Variants in MYO1D observed in about 807,000 individuals in gnomAD.
MYO1D encodes the protein myosin ID.
In MYO1D, 83 loss-of-function variants were observed where a neutral mutation model predicts 122.0. That is an observed-to-expected ratio of 0.68 (90% confidence interval 0.57 to 0.82). The LOEUF is 0.82. MYO1D is among the 40% of genes least tolerant of loss of function. The probability of loss-of-function intolerance (pLI) is 0.00; values close to 1 mark genes in which losing one functional copy is unlikely to be tolerated. For synonymous variants in MYO1D, 464 were observed against 446.9 expected (o/e 1.04, Z -0.48); for missense variants, 1,157 against 1,269.5 (o/e 0.91, Z 1.35).
intron 10 of MYO1D, chr17:32,759,962 A>T (rs1335088852): frequency 5.9e-6 from 3 of 509,180 alleles, no homozygotes; most frequent in Non-Finnish European, 6.9e-6. Flanking sequence ...AGCAAAGTTC[A>T]GCCAATTTAA....
At chr17:32,729,153 T>G (rs1028032826) in intron 14 of MYO1D, among the ~76,000 whole-genome samples, 1 of 152,016 alleles carries the variant, frequency 6.6e-6, no homozygotes, top group Middle Eastern at 3.2e-3. Context: ...CTTTTTCACC[T>G]GTCTCTCCCT....
At chr17:32,574,564 C>T (rs1347954012) in intron 21 of MYO1D, among the ~76,000 whole-genome samples, 2 of 152,198 alleles carry the variant, frequency 1.3e-5, no homozygotes, top group African/African-American at 4.8e-5. Flanking sequence ...TGCTGCTCAT[C>T]ACCATTGTAC....
At chr17:32,814,337 C>T (rs574471735) in intron 1 of MYO1D, among the ~76,000 whole-genome samples, 16 of 152,256 alleles carry the variant, frequency 1.1e-4, no homozygotes, top group Admixed American at 8.5e-4. Flanking sequence ...AGCAAGACTC[C>T]GTCTCAAGAA....
intron 16 of MYO1D, among the ~76,000 whole-genome samples, chr17:32,678,359 T>C (rs2088855140): frequency 1.3e-5 from 2 of 151,336 alleles, no homozygotes; most frequent in African/African-American, 4.9e-5. Flanking sequence ...CTGCACCCAC[T>C]AACTCGTCAT....
intron 21 of MYO1D, among the ~76,000 whole-genome samples, chr17:32,552,075 T>C (rs183011950): frequency 6.6e-5 from 10 of 152,336 alleles, no homozygotes; most frequent in Non-Finnish European, 1.3e-4. Context: ...TTATGCACTG[T>C]TTTTTGTTTT....
intron 21 of MYO1D, among the ~76,000 whole-genome samples, chr17:32,520,554 A>G (rs562376037): frequency 6.6e-6 from 1 of 152,278 alleles, no homozygotes; most frequent in African/African-American, 2.4e-5. Flanking sequence ...TATAATAGAG[A>G]GGCATGTCGA....
rs879133767 is a variant in MYO1D at position 32,712,171 on chromosome 17, G to T, written c.1938C>A (p.Thr646=). 1.9e-6 allele frequency: 3 copies of T among 1,613,654 alleles called. No individual in the cohort carries two copies. In the South Asian group the frequency reaches 3.3e-5, roughly 18 times the overall value. Residue 646 remains threonine (T), a synonymous_variant, in exon 16 of 22, where the codon ACC becomes ACA. Transcript: ENST00000318217. ...CTGAAGGAAGGTCATGGTTGGGCCA[G>T]GTGAATTCAGAGATCATCTTATACC... ...LHRYKMISEF[T]WPNHDLPSDK...
intron 19 of MYO1D, among the ~76,000 whole-genome samples, chr17:32,652,389 G>A (rs759818485): frequency 1.3e-5 from 2 of 152,220 alleles, no homozygotes; most frequent in South Asian, 2.1e-4. Context: ...AATGAAGCAC[G>A]TGTAAAATCA....
chr17:32,573,754 G>A (rs1351186536), intron 21 of MYO1D, among the ~76,000 whole-genome samples: 1 of 152,138 alleles, frequency 6.6e-6, no homozygotes, highest in Non-Finnish European at 1.5e-5. Context: ...TGAACTCCTG[G>A]CCTCAAGCCA....
In MYO1D at chr17:32,543,410, A is replaced by C. The variant is rs1219290167; in HGVS notation, c.2865-48495T>G. 3.3e-5 allele frequency among the ~76,000 whole-genome samples: 5 copies of C among 149,616 alleles called. No homozygotes were observed. The South Asian group carries it at 1.1e-3, about 32-fold the overall frequency. On this transcript the variant is annotated intron_variant, in intron 21 of 21. Transcript: ENST00000318217. ...GCTAACACGGTGAAACCCTGTCTCT[A>C]CTAAAAATACAAAAAATTAGTCGGG...
intron 1 of MYO1D, among the ~76,000 whole-genome samples, chr17:32,864,334 T>G (rs2091105774): frequency 6.6e-6 from 1 of 151,888 alleles, no homozygotes; most frequent in Non-Finnish European, 1.5e-5. Flanking sequence ...GTCCCTAGAT[T>G]TGCTGTGTAA....
chr17:32,614,210 G>C (rs2087742555), intron 20 of MYO1D, among the ~76,000 whole-genome samples: 1 of 151,046 alleles, frequency 6.6e-6, no homozygotes, highest in African/African-American at 2.4e-5. Context: ...ACCTCTAAGG[G>C]ACTTCATTCT....
chr17:32,615,835 G>A (rs749788205), intron 20 of MYO1D, among the ~76,000 whole-genome samples: 2 of 152,202 alleles, frequency 1.3e-5, no homozygotes, highest in Non-Finnish European at 2.9e-5. Context: ...AATAGCTCAC[G>A]AGGAGCCCAA....
chr17:32,739,444 G>A (rs541776682), intron 13 of MYO1D, among the ~76,000 whole-genome samples: 2 of 147,024 alleles, frequency 1.4e-5, no homozygotes, highest in Non-Finnish European at 3.0e-5. Context: ...ATTGAACAAT[G>A]AGAACACTCG....
intron 19 of MYO1D, among the ~76,000 whole-genome samples, chr17:32,652,869 C>T (rs1484960665): frequency 2.6e-5 from 4 of 152,160 alleles, no homozygotes; most frequent in East Asian, 1.9e-4. Context: ...AGGCTGGGCG[C>T]GGTGGCTCAC....
intron 1 of MYO1D, among the ~76,000 whole-genome samples, chr17:32,852,181 G>A (rs2090994993): frequency 6.6e-6 from 1 of 152,078 alleles, no homozygotes; most frequent in African/African-American, 2.4e-5. Context: ...TGTCACCCAG[G>A]CTGGTATGAT....
intron 21 of MYO1D, among the ~76,000 whole-genome samples, chr17:32,548,172 C>G (rs527625494): frequency 1.3e-5 from 2 of 151,934 alleles, no homozygotes; most frequent in Non-Finnish European, 2.9e-5. Flanking sequence ...CATTCCAGCA[C>G]TTTGGGTGGC....
chr17:32,505,401 GA>G, intron 21 of MYO1D: 1 of 152,512 alleles, frequency 6.6e-6, no homozygotes, highest in Non-Finnish European at 1.5e-5. Context: ...TGACAGGAAA[GA>G]AAGGAAAACC....
intron 1 of MYO1D, among the ~76,000 whole-genome samples, chr17:32,852,269 G>A (rs1480930253): frequency 1.3e-5 from 2 of 152,078 alleles, no homozygotes; most frequent in Non-Finnish European, 2.9e-5. Flanking sequence ...GGGACTACGG[G>A]CACATGCTAC....
Sources: gnomAD v4.1 joint callset for allele counts (sites outside exome capture counted in the v4.1 genomes callset) on GRCh38, gnomAD v4.1.1 for gene constraint, MANE v1.5 for transcripts, NCBI Gene and HGNC (gene_info 2026-07-23, HGNC 2026-07-21) for gene names.